Variants in LRRN1 observed in about 807,000 individuals in gnomAD.
LRRN1 encodes leucine-rich repeat neuronal protein 1.
Under a neutral mutation model 45.8 loss-of-function variants are expected in LRRN1, and 14 were observed. The observed-to-expected ratio is 0.31, with a 90% CI of 0.20 to 0.48. The LOEUF (loss-of-function observed/expected upper bound fraction) is 0.48. LRRN1 is among the 20% of genes least tolerant of loss of function. The pLI is 0.99. For synonymous variants in LRRN1, 359 were observed against 330.1 expected, an observed-to-expected ratio of 1.09 and a Z score of -0.95; for missense variants, 789 against 874.2, an observed-to-expected ratio of 0.90 and a Z score of 1.23.
At chr3:3,800,121 TC>T (rs1218486950) in intron 1 of LRRN1, among the ~76,000 whole-genome samples, 1 of 100,856 alleles carries the variant, frequency 9.9e-6, no homozygotes, top group Non-Finnish European at 2.0e-5. Context: ...GTGCCCCGTT[TC>T]CCCCCGTCCC....
Position 3,846,046 on chromosome 3 carries a change from G to A in LRRN1, c.1405G>A (p.Val469Met). The change falls in exon 2 of 2, where the codon GTG becomes ATG. Residue 469 changes from valine (V) to methionine (M), a missense_variant. Val to Met is a conservative substitution (Grantham distance 21). Coordinates refer to ENST00000319331, the MANE Select transcript of LRRN1 (RefSeq NM_020873.7). This position sits in a 1 kb window ranked among gnomAD's most constrained non-coding sequence, Gnocchi z 5.7. ...CACTCCCATTGGAAATAAGATAACTGTGGAAACCCTTTCAGATAAATACAA... is the reference window on the plus strand; with the variant it reads ...CACTCCCATTGGAAATAAGATAACTATGGAAACCCTTTCAGATAAATACAA... ...WVTPIGNKIT[V>M]ETLSDKYKLS... is the part of the protein sequence containing the mutation. 6.2e-7 allele frequency: 1 copy of A among 1,614,104 alleles called. No homozygotes were observed. Among genetic ancestry groups the A allele is most frequent in the Non-Finnish European group, 8.5e-7 (1 of 1,180,002 alleles).
At chr3:3,810,437 C>T (rs982869971) in intron 1 of LRRN1, among the ~76,000 whole-genome samples, 3 of 152,206 alleles carry the variant, frequency 2.0e-5, no homozygotes, top group Admixed American at 6.5e-5. Context: ...TTAGTATCAT[C>T]GTCATCATAC....
chr3:3,821,090 C>A (rs756539918), intron 1 of LRRN1, among the ~76,000 whole-genome samples: 1 of 152,212 alleles, frequency 6.6e-6, no homozygotes, highest in East Asian at 1.9e-4. Flanking sequence ...CCCAGACTTA[C>A]TGAATCAAAA....
At chr3:3,819,265 G>C (rs909138240) in intron 1 of LRRN1, among the ~76,000 whole-genome samples, 1 of 152,168 alleles carries the variant, frequency 6.6e-6, no homozygotes, top group Non-Finnish European at 1.5e-5. Flanking sequence ...GGAATTACAG[G>C]TGTGAGCCAA....
intron 1 of LRRN1, among the ~76,000 whole-genome samples, chr3:3,826,474 T>C (rs6442832): frequency 0.99 from 150,980 of 152,260 alleles, 74,873 homozygotes; most frequent in Middle Eastern, 1. Context: ...TTCTGTTGCC[T>C]GGCCTATTGA....
At chr3:3,801,557 C>T (rs1309752100) in intron 1 of LRRN1, among the ~76,000 whole-genome samples, 5 of 152,088 alleles carry the variant, frequency 3.3e-5, no homozygotes, top group Admixed American at 6.5e-5. Context: ...CAAATGTGAG[C>T]GGATCCTGGC....
rs1403567514 is a variant in LRRN1, at chr3:3,799,502, G to A, written c.-696G>A. The stretch of plus-strand genomic sequence containing the variant: ...ACGAGGCGAGGCCCGTGCGCCCGCG[G>A]CTGCAAGCGCCCGCCTGGCGGGGAG... On this transcript the variant is annotated 5_prime_UTR_variant, in exon 1 of 2. Transcript: ENST00000319331. 2 of 151,998 alleles carry A rather than the reference G, an allele frequency of 1.3e-5. No individual in the cohort carries two copies. The highest frequency in any genetic ancestry group is 6.6e-5 in the Admixed American group (1 of 15,260). The allele number at this position is 151,998 out of a possible 1,614,324, so 9.4% of individuals were successfully genotyped here.
intron 1 of LRRN1, among the ~76,000 whole-genome samples, chr3:3,839,383 T>G (rs766289518): frequency 1.3e-5 from 2 of 152,198 alleles, no homozygotes; most frequent in African/African-American, 4.8e-5. Context: ...CACACCATCT[T>G]GATTACTGTT....
At chr3:3,832,385 T>G (rs982676211) in intron 1 of LRRN1, among the ~76,000 whole-genome samples, 1 of 152,182 alleles carries the variant, frequency 6.6e-6, no homozygotes, top group African/African-American at 2.4e-5. Context: ...ATTCTGGCAT[T>G]GGGGAAATGA....
chr3:3,812,180 T>C (rs1193215950), intron 1 of LRRN1, among the ~76,000 whole-genome samples: 2 of 152,212 alleles, frequency 1.3e-5, no homozygotes, highest in African/African-American at 4.8e-5. Context: ...GTGTGTTCCT[T>C]TCCCATGTGG....
chr3:3,848,669 G>A lies in LRRN1; in HGVS notation c.*1877G>A, dbSNP rs936532349. Among the ~76,000 whole-genome samples the A allele has an allele frequency of 6.6e-6, 1 of 152,116 alleles. No homozygotes were observed. Reference sequence around the variant, plus strand: ...AACAGAAAAATAAGTACCTGAGCTCGAGGTATCCCTTCCCAAAGCCTTCAC... The same window carrying A: ...AACAGAAAAATAAGTACCTGAGCTCAAGGTATCCCTTCCCAAAGCCTTCAC... On this transcript the variant is annotated 3_prime_UTR_variant, in exon 2 of 2. Coordinates refer to ENST00000319331, the MANE Select transcript of LRRN1 (RefSeq NM_020873.7).
At chr3:3,825,928 T>C (rs561899439) in intron 1 of LRRN1, among the ~76,000 whole-genome samples, 9 of 152,326 alleles carry the variant, frequency 5.9e-5, no homozygotes, top group African/African-American at 2.2e-4. Flanking sequence ...AGCTCACCAT[T>C]ATAGATGCTA....
Position 3,845,929 on chromosome 3 carries a change from A to G in LRRN1, c.1288A>G (p.Ser430Gly). Residue 430 changes from serine to glycine, a missense_variant, in exon 2 of 2, where the codon AGC becomes GGC. Ser to Gly is a moderately conservative substitution (Grantham distance 56). Coordinates refer to ENST00000319331, the MANE Select transcript of LRRN1 (RefSeq NM_020873.7). The surrounding 1 kb of genome is among the most constrained non-coding windows in gnomAD (Gnocchi z 6.5). Reference sequence around the variant, plus strand: ...GTGCCTCCCAATGATATCTCACGACAGCTTCCCAAATCGTTTAAACGTGGA... The same window carrying G: ...GTGCCTCCCAATGATATCTCACGACGGCTTCCCAAATCGTTTAAACGTGGA... ...EQCLPMISHD[S>G]FPNRLNVDIG... The G allele has an allele frequency of 6.2e-7, 1 of 1,614,168 alleles. No individual in the cohort carries two copies. The highest frequency in any genetic ancestry group is 8.5e-7 in the Non-Finnish European group (1 of 1,180,008).
chr3:3,830,778 T>G (rs1693354391), intron 1 of LRRN1, among the ~76,000 whole-genome samples: 1 of 152,184 alleles, frequency 6.6e-6, no homozygotes, highest in South Asian at 2.1e-4. Context: ...TGACCCACTT[T>G]ATGGCTAGAT....
At chr3:3,801,567 C>T (rs1692653430) in intron 1 of LRRN1, among the ~76,000 whole-genome samples, 1 of 152,128 alleles carries the variant, frequency 6.6e-6, no homozygotes, top group African/African-American at 2.4e-5. Flanking sequence ...CGGATCCTGG[C>T]AGATGTCTGG....
chr3:3,803,358 C>T (rs1350444798), intron 1 of LRRN1, among the ~76,000 whole-genome samples: 1 of 152,122 alleles, frequency 6.6e-6, no homozygotes, highest in East Asian at 1.9e-4. Context: ...GGCCATAAGT[C>T]ATAAATAAAA....
chr3:3,801,248 T>G (rs1692646576), intron 1 of LRRN1: 1 of 152,230 alleles, frequency 6.6e-6, no homozygotes, highest in Non-Finnish European at 1.5e-5. Context: ...CATCCCGCCG[T>G]AAGTATTTTC....
Position 3,803,461 on chromosome 3 carries a change from C to T in LRRN1, c.-279+3542C>T, listed in dbSNP as rs550660916. Among the ~76,000 whole-genome samples the T allele has an allele frequency of 3.9e-5, 6 of 152,188 alleles. No individual in the cohort carries two copies. The South Asian group carries it at 8.3e-4, about 21-fold the overall frequency. On this transcript the variant is annotated intron_variant, in intron 1 of 1. Coordinates refer to ENST00000319331, the MANE Select transcript of LRRN1 (RefSeq NM_020873.7). The stretch of plus-strand genomic sequence containing the variant: ...TTTAAGTTACAAAATAATAGTTCCC[C>T]GAATGATTCATTTCAGCACTAATGT...
intron 1 of LRRN1, among the ~76,000 whole-genome samples, chr3:3,833,836 G>A (rs990246590): frequency 3.9e-5 from 6 of 152,154 alleles, no homozygotes; most frequent in African/African-American, 1.2e-4. Flanking sequence ...CAAAAAAGGT[G>A]CATCAGAGTT....
Sources: gnomAD v4.1 joint callset for allele counts (sites outside exome capture counted in the v4.1 genomes callset) on GRCh38, gnomAD v4.1.1 for gene constraint, Gnocchi (gnomAD v3.1) non-coding constraint, MANE v1.5 for transcripts, NCBI Gene and HGNC (gene_info 2026-07-23, HGNC 2026-07-21) for gene names.